Variants in ZNF483 observed in about 807,000 individuals in gnomAD.
ZNF483 encodes the protein zinc finger protein 483, also known as zinc finger protein HIT-10.
ZNF483 carries 9 observed loss-of-function variants against 28.6 expected under a neutral mutation model. That is an observed-to-expected ratio of 0.32 (90% CI 0.19 to 0.55). The LOEUF is 0.55. ZNF483 is among the 20% of genes least tolerant of loss of function. The probability of loss-of-function intolerance (pLI) is 0.93; values close to 1 mark genes in which losing one functional copy is unlikely to be tolerated. For synonymous variants in ZNF483, 322 were observed against 306.2 expected (o/e 1.05, Z -0.54); for missense variants, 675 against 871.7 (o/e 0.77, Z 2.84).
intron 5 of ZNF483, among the ~76,000 whole-genome samples, chr9:111,538,929 T>C (rs1326863439): frequency 1.3e-5 from 2 of 151,824 alleles, no homozygotes; most frequent in African/African-American, 2.4e-5. Flanking sequence ...CTGGCCAACA[T>C]GGTAAAACCC....
At position 111,551,210 on chromosome 9, in the gene ZNF483, C is replaced by T. The variant is rs1264380070; in HGVS notation, c.*8040C>T. Reference sequence around the variant, plus strand: ...AAGTATTGAGACATTTTGTTTTTTGCACTATTTTTGAAATCTGGTATGTAA... The same window carrying T: ...AAGTATTGAGACATTTTGTTTTTTGTACTATTTTTGAAATCTGGTATGTAA... On this transcript the variant is annotated 3_prime_UTR_variant, in exon 6 of 6. Coordinates refer to ENST00000309235, the MANE Select transcript of ZNF483 (RefSeq NM_133464.5). 6.6e-6 allele frequency among the ~76,000 whole-genome samples: 1 copy of T among 151,976 alleles called. No homozygotes were observed. The highest frequency in any genetic ancestry group is 2.4e-5 in the African/African-American group (1 of 41,356).
chr9:111,550,454 C>T lies in ZNF483; in HGVS notation c.*7284C>T, dbSNP rs2132277503. The stretch of plus-strand genomic sequence containing the variant: ...ATGTGGGGTTGTGTCTCCACAGCTG[C>T]CTGCCATGGAGTGGGTGGGGATGGG... On this transcript the variant is annotated 3_prime_UTR_variant, in exon 6 of 6. Coordinates refer to ENST00000309235, the MANE Select transcript of ZNF483 (RefSeq NM_133464.5). Among the ~76,000 whole-genome samples, 1 of 152,278 alleles carries T rather than the reference C, an allele frequency of 6.6e-6. No homozygotes were observed. The highest frequency in any genetic ancestry group is 1.9e-4 in the East Asian group (1 of 5,188).
intron 5 of ZNF483, among the ~76,000 whole-genome samples, chr9:111,567,487 A>G (rs1414279712): frequency 6.6e-6 from 1 of 152,158 alleles, no homozygotes; most frequent in African/African-American, 2.4e-5. Flanking sequence ...GCCAGTCCAG[A>G]CGGCACTTTT....
rs146522201 is a variant in ZNF483 at position 111,549,148 on chromosome 9, G to A, written c.*5978G>A. On this transcript the variant is annotated 3_prime_UTR_variant, in exon 6 of 6. Transcript: ENST00000309235. Reference sequence around the variant, plus strand: ...ATAGAGAGTCACTGAGTCACTGGAGGTTCTCTGTGTGTGTGAGTGTATAAA... The same window carrying A: ...ATAGAGAGTCACTGAGTCACTGGAGATTCTCTGTGTGTGTGAGTGTATAAA... Among the ~76,000 whole-genome samples the A allele has an allele frequency of 3.3e-5, 5 of 152,220 alleles. No homozygotes were observed. The highest frequency in any genetic ancestry group is 1.2e-4 in the African/African-American group (5 of 41,534).
chr9:111,528,413 A>T (rs1359865469), intron 2 of ZNF483, among the ~76,000 whole-genome samples: 1 of 152,234 alleles, frequency 6.6e-6, no homozygotes, highest in Admixed American at 6.5e-5. Context: ...ATATGTATGT[A>T]ATTACATATT....
chr9:111,531,630 C>G (rs1008335071), intron 3 of ZNF483, among the ~76,000 whole-genome samples: 1 of 152,180 alleles, frequency 6.6e-6, no homozygotes, highest in Non-Finnish European at 1.5e-5. Context: ...CCCACCTCAG[C>G]CTCCCAAAGT....
intron 5 of ZNF483, among the ~76,000 whole-genome samples, chr9:111,566,168 A>C (rs1315649571): frequency 6.6e-6 from 1 of 152,098 alleles, no homozygotes; most frequent in African/African-American, 2.4e-5. Flanking sequence ...GCGCCACTGC[A>C]CTCCAGCCTG....
intron 5 of ZNF483, among the ~76,000 whole-genome samples, chr9:111,541,438 A>G (rs1348829751): frequency 1.3e-5 from 2 of 152,172 alleles, no homozygotes; most frequent in Non-Finnish European, 2.9e-5. Flanking sequence ...GCATCTAACT[A>G]TAAAGCACAA....
chr9:111,576,298 C>T, intron 5 of ZNF483: 1 of 1,558,600 alleles, frequency 6.4e-7, no homozygotes, highest in Non-Finnish European at 8.8e-7. Flanking sequence ...ATATTGTAAA[C>T]TACTTGCTAA....
At chr9:111,565,322 C>T (rs1828508372) in intron 5 of ZNF483, among the ~76,000 whole-genome samples, 2 of 152,156 alleles carry the variant, frequency 1.3e-5, no homozygotes, top group African/African-American at 4.8e-5. Flanking sequence ...TGATCTTAGA[C>T]TTCTAGCCTC....
At position 111,541,750 on chromosome 9, in the gene ZNF483, A is replaced by G; in HGVS notation, c.815A>G (p.Glu272Gly). Residue 272 changes from glutamate to glycine, a missense_variant, in exon 6 of 6, where the codon GAG becomes GGG. By Grantham distance (98) the Glu-to-Gly change is moderately conservative. This residue lies in a region of ZNF483 where 525 missense variants were observed against 581.8 expected (regional missense o/e 0.90). Transcript: ENST00000309235. The part of the protein sequence containing the change: ...EESQQYCGSS[E>G]EDHGNQGNSK... Reference sequence around the variant, plus strand: ...TCCCAGCAATATTGTGGCAGCTCAGAGGAGGATCACGGTAATCAGGGAAAT... The same window carrying G: ...TCCCAGCAATATTGTGGCAGCTCAGGGGAGGATCACGGTAATCAGGGAAAT... 2.5e-6 allele frequency: 4 copies of G among 1,614,194 alleles called. No homozygotes were observed. The highest frequency in any genetic ancestry group is 3.4e-6 in the Non-Finnish European group (4 of 1,180,040).
At chr9:111,534,793 G>A (rs1329024514) in intron 5 of ZNF483, among the ~76,000 whole-genome samples, 2 of 140,274 alleles carry the variant, frequency 1.4e-5, no homozygotes, top group Non-Finnish European at 1.5e-5. Flanking sequence ...GCGTGATCTC[G>A]GCTCACTGCA....
rs1827998805 is a variant in ZNF483, at chr9:111,552,488, G to A, written c.*9318G>A. 6.6e-6 allele frequency among the ~76,000 whole-genome samples: 1 copy of A among 152,144 alleles called. No individual in the cohort carries two copies. Among genetic ancestry groups the A allele is most frequent in the African/African-American group, 2.4e-5 (1 of 41,430 alleles). ...CCTCTTGCTTTAAAATTCCAACATG[G>A]ATGGTCTTTTGACTTAACTTAGCTG... On this transcript the variant is annotated 3_prime_UTR_variant, in exon 6 of 6. Transcript: ENST00000309235.
chr9:111,535,476 C>T (rs970107327), intron 5 of ZNF483, among the ~76,000 whole-genome samples: 2 of 152,182 alleles, frequency 1.3e-5, no homozygotes, highest in African/African-American at 2.4e-5. Context: ...TGCCTGAATA[C>T]ATAGAGTATA....
Position 111,549,648 on chromosome 9 carries a change from T to TGGCAGC in ZNF483, c.*6485_*6490dup. On this transcript the variant is annotated 3_prime_UTR_variant, in exon 6 of 6. Coordinates refer to ENST00000309235, the MANE Select transcript of ZNF483 (RefSeq NM_133464.5). Reference sequence around the variant, plus strand: ...TCTGGGGCAGCGGTCGTGGTGGTGGTGGCAGCGGCAGCAGGGTTCCCCATT... The same window carrying TGGCAGC: ...TCTGGGGCAGCGGTCGTGGTGGTGGTGGCAGCGGCAGCGGCAGCAGGGTTCCCCATT... 7.7e-7 allele frequency: 1 copy of TGGCAGC among 1,300,930 alleles called. No homozygotes were observed. Among genetic ancestry groups the TGGCAGC allele is most frequent in the Non-Finnish European group, 1.1e-6 (1 of 939,172 alleles). 80.6% of individuals were successfully genotyped at this position (1,300,930 alleles called of 1,614,324 possible).
intron 5 of ZNF483, among the ~76,000 whole-genome samples, chr9:111,572,217 A>G: frequency 6.6e-6 from 1 of 152,212 alleles, no homozygotes; most frequent in East Asian, 1.9e-4. Flanking sequence ...ATGCAAGAGA[A>G]TGAGACAGAA....
At chr9:111,526,978 T>C (rs2132209106) in intron 1 of ZNF483, among the ~76,000 whole-genome samples, 1 of 152,040 alleles carries the variant, frequency 6.6e-6, no homozygotes, top group South Asian at 2.1e-4. Flanking sequence ...TGGGCGCCTA[T>C]AATCCCAGCT....
Position 111,529,698 on chromosome 9 carries a change from C to T in ZNF483, c.413-1177C>T, listed in dbSNP as rs556774721. Reference sequence around the variant, plus strand: ...GTATACAGAAAGAAGTTTTCGTGAGCTTAGGATTTGAAAAGATTTTTATAT... The same window carrying T: ...GTATACAGAAAGAAGTTTTCGTGAGTTTAGGATTTGAAAAGATTTTTATAT... On this transcript the variant is annotated intron_variant, in intron 2 of 5. Coordinates refer to ENST00000309235, the MANE Select transcript of ZNF483 (RefSeq NM_133464.5). Among the ~76,000 whole-genome samples, 28 of 152,274 alleles carry T rather than the reference C, an allele frequency of 1.8e-4. No homozygotes were observed. In the East Asian group the frequency reaches 4.6e-3, roughly 25 times the overall value.
rs1482847388 is a variant in ZNF483, at chr9:111,561,146, A to AGG, written c.722-15217_722-15216dup. On this transcript the variant is annotated intron_variant, in intron 5 of 5. Transcript: ENST00000358151. ...AGAGAGAGAGAGAGAGAGGAGAGAG[A>AGG]GGGAGAGAGAGAGAGAGAGAGAGAG... 1.1e-4 allele frequency among the ~76,000 whole-genome samples: 5 copies of AGG among 44,370 alleles called. 1 individual carries two copies. The highest frequency in any genetic ancestry group is 9.0e-4 in the Admixed American group (5 of 5,558). The allele number at this position is 44,370 out of a possible 152,430, so 29.1% of individuals were successfully genotyped here. A position where few individuals can be genotyped will look rare whatever the true frequency, so the allele number is the denominator to read the frequency against.
Sources: gnomAD v4.1 joint callset for allele counts (sites outside exome capture counted in the v4.1 genomes callset) on GRCh38, gnomAD v4.1.1 for gene constraint, gnomAD v4.1.1 regional missense constraint, MANE v1.5 for transcripts, NCBI Gene and HGNC (gene_info 2026-07-23, HGNC 2026-07-21) for gene names.